CASD1: variants seen among roughly 807,000 people sequenced by gnomAD.
The protein encoded by CASD1 is N-acetylneuraminate (7)9-O-acetyltransferase.
CASD1 carries 41 observed loss-of-function variants against 100.0 expected under a neutral mutation model. The ratio of observed to expected loss-of-function variants is 0.41; its 90% CI spans 0.32 to 0.53. CASD1 has a LOEUF of 0.53. Among genes scored for constraint, CASD1 ranks in the 20% least tolerant of loss-of-function variants. The pLI, the probability that CASD1 is intolerant of heterozygous loss-of-function variation, is 0.25. For synonymous variants in CASD1, 321 were observed against 315.6 expected (o/e 1.02, Z -0.18); for missense variants, 774 against 948.7 (o/e 0.82, Z 2.42).
the CASD1 span, among the ~76,000 whole-genome samples, chr7:94,566,008 G>A: frequency 1.6e-4 from 24 of 152,136 alleles, no homozygotes; most frequent in Non-Finnish European, 3.2e-4. Context: ...ATCATTGAGC[G>A]GGAATGAGCT....
At chr7:94,606,756 ACTGT>A in the CASD1 span, among the ~76,000 whole-genome samples, 2 of 152,206 alleles carry the variant, frequency 1.3e-5, no homozygotes, top group African/African-American at 2.4e-5. Flanking sequence ...GAAATCATAC[ACTGT>A]CTGTTCTCAG....
chr7:94,601,463 A>C, the CASD1 span, among the ~76,000 whole-genome samples: 6 of 70,002 alleles, frequency 8.6e-5, no homozygotes, highest in Admixed American at 8.7e-4. Flanking sequence ...AAAAAAAAAA[A>C]AAAAAAAAAA....
intron 16 of CASD1, chr7:94,554,027 C>G (rs988959350): frequency 6.5e-6 from 1 of 153,044 alleles, no homozygotes; most frequent in African/African-American, 2.4e-5. Flanking sequence ...ATGTTAAAAG[C>G]CATGCCATTT....
the CASD1 span, chr7:94,597,089 G>A: frequency 6.6e-6 from 1 of 152,034 alleles, no homozygotes; most frequent in South Asian, 2.1e-4. Context: ...TAATAGGTGG[G>A]CTACTGACCA....
chr7:94,517,153 C>G (rs952652753), intron 1 of CASD1, among the ~76,000 whole-genome samples: 2 of 152,130 alleles, frequency 1.3e-5, no homozygotes, highest in Non-Finnish European at 2.9e-5. Context: ...ATCTGCCCAC[C>G]TAGGCCTCCC....
At chr7:94,570,785 TG>T in the CASD1 span, among the ~76,000 whole-genome samples, 3 of 152,148 alleles carry the variant, frequency 2.0e-5, no homozygotes, top group Admixed American at 2.0e-4. Context: ...ATGAGTCACA[TG>T]TCCAGCCCAT....
At chr7:94,537,397 G>A (rs1453613696) in intron 8 of CASD1, 75 bp from the exon 9 acceptor site, 23 of 1,330,576 alleles carry the variant, frequency 1.7e-5, no homozygotes, top group Non-Finnish European at 2.3e-5. Context: ...AAACTCAGTA[G>A]TATTCACAGG....
At chr7:94,539,899 G>A (rs972677014) in intron 10 of CASD1, among the ~76,000 whole-genome samples, 24 of 152,144 alleles carry the variant, frequency 1.6e-4, no homozygotes, top group Non-Finnish European at 2.9e-5. Context: ...GACCACCTTT[G>A]TAGACTATGT....
intron 1 of CASD1, among the ~76,000 whole-genome samples, 192 bp from the exon 2 acceptor site, chr7:94,517,368 C>A (rs1014153702): frequency 6.6e-6 from 1 of 152,186 alleles, no homozygotes; most frequent in African/African-American, 2.4e-5. Flanking sequence ...CCATCAGTTT[C>A]TCTTGTCCTC....
the CASD1 span, chr7:94,628,133 A>C: frequency 8.6e-7 from 1 of 1,168,220 alleles, no homozygotes; most frequent in Non-Finnish European, 1.2e-6. Flanking sequence ...AACTCAAATT[A>C]CAATACACAC....
At chr7:94,571,927 T>A in the CASD1 span, among the ~76,000 whole-genome samples, 3 of 151,926 alleles carry the variant, frequency 2.0e-5, no homozygotes, top group Admixed American at 2.0e-4. Flanking sequence ...TGCAAGAGAT[T>A]AAGTTTGTGC....
chr7:94,555,024 A>G (rs930335435), intron 17 of CASD1, among the ~76,000 whole-genome samples: 10 of 152,254 alleles, frequency 6.6e-5, no homozygotes, highest in African/African-American at 2.4e-4. Context: ...TGTGGGAGAA[A>G]GTATAAACTC....
At chr7:94,587,285 T>G in the CASD1 span, 1 of 989,452 alleles carries the variant, frequency 1.0e-6, no homozygotes, top group Non-Finnish European at 1.2e-6. Context: ...CCTAATATCA[T>G]CTACTCAAGT....
the CASD1 span, chr7:94,587,987 T>G: frequency 7.1e-7 from 1 of 1,410,066 alleles, no homozygotes. Flanking sequence ...TTCTCTTGCT[T>G]TTCCAAAAGA....
chr7:94,623,496 T>C, the CASD1 span: 9 of 803,260 alleles, frequency 1.1e-5, no homozygotes, highest in Non-Finnish European at 1.9e-5. Context: ...TTCTTTCCAT[T>C]TTCATTATTT....
At chr7:94,574,043 G>T in the CASD1 span, among the ~76,000 whole-genome samples, 4 of 152,252 alleles carry the variant, frequency 2.6e-5, no homozygotes, top group South Asian at 8.3e-4. Context: ...ATTGATTTGT[G>T]TATGTTGAAC....
rs747725414 is a variant in CASD1, at chr7:94,518,306, AAAG to A, written c.341_343del (p.Glu114del). The A allele has an allele frequency of 4.4e-6, 7 of 1,574,560 alleles. No individual in the cohort carries two copies. Among genetic ancestry groups the A allele is most frequent in the Non-Finnish European group, 6.0e-6 (7 of 1,162,876 alleles). Reference sequence around the variant, plus strand: ...TGTAAAAATAATTAATCCCCAATTCAAAGAAGAAGGAAATAAGGTAAAACTTGT... The same window carrying A: ...TGTAAAAATAATTAATCCCCAATTCAAAGAAGGAAATAAGGTAAAACTTGT... On this transcript the variant is annotated inframe_deletion, in exon 3 of 18. Coordinates refer to ENST00000297273, the MANE Select transcript of CASD1 (RefSeq NM_022900.5).
intron 2 of CASD1, 38 bp from the exon 3 acceptor site, chr7:94,518,165 T>A (rs1240332244): frequency 2.7e-6 from 4 of 1,468,388 alleles, no homozygotes; most frequent in Non-Finnish European, 3.6e-6. Context: ...GATGGCTGAT[T>A]TTACTTATTT....
chr7:94,588,972 C>T, the CASD1 span: 1 of 525,636 alleles, frequency 1.9e-6, no homozygotes. Context: ...TCTAAAGTAC[C>T]TCACAACAAC....
Sources: gnomAD v4.1 joint callset for allele counts (sites outside exome capture counted in the v4.1 genomes callset) on GRCh38, gnomAD v4.1.1 for gene constraint, MANE v1.5 for transcripts, NCBI Gene and HGNC (gene_info 2026-07-23, HGNC 2026-07-21) for gene names.